Variants in PLA2R1 observed in about 807,000 individuals in gnomAD.
PLA2R1 encodes secretory phospholipase A2 receptor.
Under a neutral mutation model 195.9 loss-of-function variants are expected in PLA2R1, and 158 were observed. That is an observed-to-expected ratio of 0.81 (90% CI 0.71 to 0.92). PLA2R1 has a LOEUF of 0.92. Among genes scored for constraint, PLA2R1 ranks in the 40% least tolerant of loss-of-function variants. The pLI is 0.00. For missense variants in PLA2R1, 1,626 were observed against 1,764.6 expected (o/e 0.92, Z 1.41); for synonymous variants, 586 against 598.2 (o/e 0.98, Z 0.30).
At chr2:160,061,673 G>A (rs1299062519) in intron 1 of PLA2R1, among the ~76,000 whole-genome samples, 1 of 152,160 alleles carries the variant, frequency 6.6e-6, no homozygotes, top group Admixed American at 6.5e-5. Context: ...TACTCGGGAG[G>A]CTGAGGTGGG....
At position 159,992,543 on chromosome 2, in the gene PLA2R1, T is replaced by C. The variant is rs1690892612; in HGVS notation, c.1835-5185A>G. ...TACAAACAAATGGAAGAACATTCCA[T>C]GCTCATGGGTAGGAAGAATCAATAT... On this transcript the variant is annotated intron_variant, in intron 11 of 29. Coordinates refer to ENST00000283243, the MANE Select transcript of PLA2R1 (RefSeq NM_007366.5). Among the ~76,000 whole-genome samples the C allele has an allele frequency of 4.0e-5, 6 of 149,668 alleles. No homozygotes were observed. In the Admixed American group the frequency reaches 4.0e-4, roughly 10 times the overall value.
In PLA2R1 at chr2:160,033,026, A is replaced by G. The variant is rs747941144; in HGVS notation, c.774T>C (p.Ser258=). 9.3e-6 allele frequency: 15 copies of G among 1,613,512 alleles called. No individual in the cohort carries two copies. Among genetic ancestry groups the G allele is most frequent in the Non-Finnish European group, 1.0e-5 (12 of 1,179,690 alleles). The change falls in exon 4 of 30, where the codon TCT becomes TCC. Residue 258 remains serine (S), a synonymous_variant. Coordinates refer to ENST00000283243, the MANE Select transcript of PLA2R1 (RefSeq NM_007366.5). ...GCGTACCTCCTTGCATCTGGCATGA[A>G]GAATGTGCCTCACTCCAAGAGAGAG... The part of the protein sequence containing the change: ...LSSLSWSEAH[S]SCQMQGGTLL...
intron 14 of PLA2R1, among the ~76,000 whole-genome samples, chr2:159,977,739 C>G (rs1030094839): frequency 6.6e-6 from 1 of 152,050 alleles, no homozygotes; most frequent in East Asian, 1.9e-4. Context: ...AGATTGAGAC[C>G]ATCCTGGCTA....
Position 160,030,220 on chromosome 2 carries a change from G to A in PLA2R1, c.842-1257C>T, listed in dbSNP as rs1471556094. 3.9e-5 allele frequency among the ~76,000 whole-genome samples: 6 copies of A among 152,222 alleles called. No homozygotes were observed. In the East Asian group the frequency reaches 1.2e-3, roughly 29 times the overall value. ...AACCCATTTAAGAAAAGAGAAAAAG[G>A]TGCTTTATAATTTTGAGACTCCCAG... On this transcript the variant is annotated intron_variant, in intron 4 of 29. Coordinates refer to ENST00000283243, the MANE Select transcript of PLA2R1 (RefSeq NM_007366.5).
chr2:159,990,774 T>G (rs1473220758), intron 11 of PLA2R1, among the ~76,000 whole-genome samples: 1 of 152,180 alleles, frequency 6.6e-6, no homozygotes, highest in African/African-American at 2.4e-5. Flanking sequence ...TAGTGCCTGA[T>G]TATGCAGTTG....
intron 1 of PLA2R1, among the ~76,000 whole-genome samples, chr2:160,061,635 C>T (rs1695957255): frequency 6.6e-6 from 1 of 152,012 alleles, no homozygotes; most frequent in Admixed American, 6.5e-5. Flanking sequence ...TTTTGCTGGG[C>T]GTGCGGGCGC....
intron 6 of PLA2R1, among the ~76,000 whole-genome samples, chr2:160,023,593 G>A (rs1320850752): frequency 3.3e-5 from 5 of 152,198 alleles, no homozygotes; most frequent in South Asian, 2.1e-4. Context: ...AGAAAGAACT[G>A]TAAGTGTAAT....
chr2:159,932,085 G>A lies in PLA2R1; in HGVS notation c.*9693C>T, dbSNP rs1350464477. Reference sequence around the variant, plus strand: ...CTTCTAAAGCAATGCATAAACAAGTGGGCCTTCTTGCTTAATATCTCTTTT... The same window carrying A: ...CTTCTAAAGCAATGCATAAACAAGTAGGCCTTCTTGCTTAATATCTCTTTT... On this transcript the variant is annotated 3_prime_UTR_variant, in exon 30 of 30. Transcript: ENST00000283243. 1.3e-5 allele frequency: 2 copies of A among 152,146 alleles called. No homozygotes were observed. Among genetic ancestry groups the A allele is most frequent in the Non-Finnish European group, 2.9e-5 (2 of 68,022 alleles). The allele number at this position is 152,146 out of a possible 1,614,324, so 9.4% of individuals were successfully genotyped here.
chr2:159,995,057 C>A (rs1180458050), intron 11 of PLA2R1, among the ~76,000 whole-genome samples: 1 of 152,004 alleles, frequency 6.6e-6, no homozygotes, highest in Non-Finnish European at 1.5e-5. Flanking sequence ...TTAGTCTTTG[C>A]TGGATTAAGA....
intron 9 of PLA2R1, among the ~76,000 whole-genome samples, chr2:160,015,117 G>A (rs908721047): frequency 2.0e-5 from 3 of 152,146 alleles, no homozygotes; most frequent in Admixed American, 6.5e-5. Context: ...CAATGAATAC[G>A]GGAAGGATAA....
chr2:160,005,395 A>G (rs530060512), intron 11 of PLA2R1, among the ~76,000 whole-genome samples: 2 of 152,308 alleles, frequency 1.3e-5, no homozygotes, highest in Admixed American at 6.5e-5. Context: ...AGATTGCACC[A>G]CTGCACTCCA....
chr2:159,993,712 T>G (rs577610739), intron 11 of PLA2R1, among the ~76,000 whole-genome samples: 1 of 152,068 alleles, frequency 6.6e-6, no homozygotes, highest in East Asian at 1.9e-4. Flanking sequence ...TCAGAAGATA[T>G]TCCTTGAAGA....
Position 160,028,275 on chromosome 2 carries a change from A to G in PLA2R1, c.1042T>C (p.Ser348Pro). Residue 348 changes from serine to proline, a missense_variant, in exon 6 of 30, where the codon TCC becomes CCC. Physicochemically the swap from Ser to Pro is moderately conservative, Grantham distance 74. Coordinates refer to ENST00000283243, the MANE Select transcript of PLA2R1 (RefSeq NM_007366.5). ...PSAWRSRDCESTLPYICKKYL... is the reference protein window; with the variant it reads ...PSAWRSRDCEPTLPYICKKYL... ...TTTTTACATATATATGGCAAGGTGG[A>G]CTCACAATCCCGACTCCTCCAGGCA... is the stretch of plus-strand genomic sequence containing the variant. 6.2e-7 allele frequency: 1 copy of G among 1,603,984 alleles called. No homozygotes were observed. Among genetic ancestry groups the G allele is most frequent in the Non-Finnish European group, 8.5e-7 (1 of 1,171,734 alleles).
chr2:160,047,069 A>G (rs1456600095), intron 1 of PLA2R1, among the ~76,000 whole-genome samples: 1 of 152,202 alleles, frequency 6.6e-6, no homozygotes. Flanking sequence ...AATGTATTAT[A>G]AGCTCTGCAA....
intron 12 of PLA2R1, among the ~76,000 whole-genome samples, chr2:159,986,235 T>C (rs1690324647): frequency 6.6e-6 from 1 of 152,082 alleles, no homozygotes. Context: ...TCAAAGGAAA[T>C]GCTCATTAGA....
intron 6 of PLA2R1, among the ~76,000 whole-genome samples, chr2:160,024,521 T>C (rs927663161): frequency 3.3e-5 from 5 of 152,046 alleles, no homozygotes; most frequent in Non-Finnish European, 5.9e-5. Context: ...CCCAAAACAG[T>C]CACACCCCAG....
At position 159,976,210 on chromosome 2, in the gene PLA2R1, A is replaced by G. The variant is rs779835044; in HGVS notation, c.2453T>C (p.Phe818Ser). The stretch of plus-strand genomic sequence containing the variant: ...AAAAAGGTATTCTGCATCCTGATAA[A>G]AGAGCCAGGGTACATCTGAAAAAGA... Reference protein sequence around the residue: ...FWYQYDVPWLFYQDAEYLFHT... With the variant: ...FWYQYDVPWLSYQDAEYLFHT... Residue 818 changes from phenylalanine to serine, a missense_variant, in exon 17 of 30, where the codon TTT becomes TCT. Phe to Ser is a radical substitution (Grantham distance 155, BLOSUM62 -2). Coordinates refer to ENST00000283243, the MANE Select transcript of PLA2R1 (RefSeq NM_007366.5). 2.5e-6 allele frequency: 4 copies of G among 1,609,272 alleles called. No homozygotes were observed. Among genetic ancestry groups the G allele is most frequent in the Non-Finnish European group, 3.4e-6 (4 of 1,176,908 alleles).
In PLA2R1 at chr2:160,005,634, G is replaced by A. The variant is rs1045900804; in HGVS notation, c.1834+18C>T. ...AAAGAAAACAGGGAGGGTTGGTGAT[G>A]CAGCACACTCTACTCACGCGGCTGG... On this transcript the variant is annotated intron_variant, in intron 11 of 29. Coordinates refer to ENST00000283243, the MANE Select transcript of PLA2R1 (RefSeq NM_007366.5). 9 of 1,604,994 alleles carry A rather than the reference G, an allele frequency of 5.6e-6. No individual in the cohort carries two copies. The highest frequency in any genetic ancestry group is 5.4e-5 in the African/African-American group (4 of 74,746).
At chr2:159,979,225 G>A (rs1438407541) in intron 14 of PLA2R1, among the ~76,000 whole-genome samples, 1 of 151,960 alleles carries the variant, frequency 6.6e-6, no homozygotes, top group African/African-American at 2.4e-5. Flanking sequence ...CTGTCATTTT[G>A]AGAAAAATGT....
Sources: allele counts gnomAD v4.1 joint callset (sites outside exome capture counted in the v4.1 genomes callset), GRCh38; gene constraint gnomAD v4.1.1; transcripts MANE v1.5; gene names NCBI Gene and HGNC (gene_info 2026-07-23, HGNC 2026-07-21).